SERF2: variants seen among roughly 807,000 people sequenced by gnomAD.
SERF2 encodes the protein gastric cancer-related protein VRG107.
In SERF2, 4 loss-of-function variants were observed where a neutral mutation model predicts 10.7. The observed-to-expected ratio is 0.37, with a 90% CI of 0.18 to 0.86. The LOEUF (loss-of-function observed/expected upper bound fraction) is 0.86. Ranked by LOEUF, SERF2 falls within the 40% of genes least tolerant of loss-of-function variation. The probability of loss-of-function intolerance (pLI) is 0.43; values close to 1 mark genes in which losing one functional copy is unlikely to be tolerated. For missense variants in SERF2, 47 were observed against 79.1 expected (o/e 0.59, Z 1.54); for synonymous variants, 26 against 26.0 (o/e 1.00, Z 0.01).
At position 43,793,850 on chromosome 15, in the gene SERF2, C is replaced by G. The variant is rs764583848; in HGVS notation, c.*77C>G. The G allele has an allele frequency of 1.9e-6, 3 of 1,613,696 alleles. No individual in the cohort carries two copies. Among genetic ancestry groups the G allele is most frequent in the South Asian group, 1.1e-5 (1 of 91,056 alleles). On this transcript the variant is annotated 3_prime_UTR_variant, in exon 3 of 3. Coordinates refer to ENST00000249786, the MANE Select transcript of SERF2 (RefSeq NM_001018108.4). ...CAGTCCCACCACGCTCGCGTTTCCT[C>G]CTGTAGTGCTCACAGGTCCCAGCAC...
rs756161071 is a variant in SERF2, at chr15:43,795,543, T to C, written c.*1770T>C. Reference sequence around the variant, plus strand: ...GCCTCGCAGCCCCACCCCTTTGCCCTGGAGAGAGGAAATGGCTGCTGGGAG... The same window carrying C: ...GCCTCGCAGCCCCACCCCTTTGCCCCGGAGAGAGGAAATGGCTGCTGGGAG... On this transcript the variant is annotated 3_prime_UTR_variant, in exon 3 of 3. Coordinates refer to ENST00000249786, the MANE Select transcript of SERF2 (RefSeq NM_001018108.4). 1.2e-6 allele frequency: 2 copies of C among 1,614,032 alleles called. No homozygotes were observed. Among genetic ancestry groups the C allele is most frequent in the Non-Finnish European group, 1.7e-6 (2 of 1,180,016 alleles).
At position 43,794,552 on chromosome 15, in the gene SERF2, C is replaced by G. The variant is rs942342104; in HGVS notation, c.*779C>G. 3.0e-5 allele frequency: 5 copies of G among 164,748 alleles called. No homozygotes were observed. The highest frequency in any genetic ancestry group is 5.3e-5 in the Non-Finnish European group (4 of 74,800). 10.2% of individuals were successfully genotyped at this position (164,748 alleles called of 1,614,324 possible). A position where few individuals can be genotyped will look rare whatever the true frequency, so the allele number is the denominator to read the frequency against. On this transcript the variant is annotated 3_prime_UTR_variant, in exon 3 of 3. Transcript: ENST00000249786. Reference sequence around the variant, plus strand: ...TAAAACCTGGGGTAGCCTCTGTGCTCCTTTCTTCTATGCCCTGGTTTGTTC... The same window carrying G: ...TAAAACCTGGGGTAGCCTCTGTGCTGCTTTCTTCTATGCCCTGGTTTGTTC...
chr15:43,793,589 C>T (rs2141682470), intron 2 of SERF2, 121 bp from the exon 3 acceptor site: 1 of 1,577,084 alleles, frequency 6.3e-7, no homozygotes, highest in Admixed American at 1.8e-5. Context: ...GGGAGTACAG[C>T]AGCCAAACGC....
In SERF2 at chr15:43,795,418, T is replaced by A; in HGVS notation, c.*1645T>A. ...CCAGTTGGTAAGGGTAACCATGACA[T>A]AGAGTGAGGCAAGGAAGAAGACGAA... On this transcript the variant is annotated 3_prime_UTR_variant, in exon 3 of 3. Coordinates refer to ENST00000249786, the MANE Select transcript of SERF2 (RefSeq NM_001018108.4). 1.9e-6 allele frequency: 3 copies of A among 1,614,068 alleles called. No individual in the cohort carries two copies. Among genetic ancestry groups the A allele is most frequent in the Non-Finnish European group, 2.5e-6 (3 of 1,180,000 alleles).
intron 2 of SERF2, among the ~76,000 whole-genome samples, chr15:43,786,730 C>T (rs2087010386): frequency 6.6e-6 from 1 of 152,158 alleles, no homozygotes; most frequent in Admixed American, 6.6e-5. Context: ...AACAGCATGA[C>T]CAAGAACCAA....
chr15:43,792,214 T>G, upstream of SERF2: 6 of 660,438 alleles, frequency 9.1e-6, no homozygotes, highest in African/African-American at 1.8e-5. Flanking sequence ...GCACGACCCG[T>G]GGATCCACGT....
Position 43,794,101 on chromosome 15 carries a change from G to A in SERF2, c.*328G>A, listed in dbSNP as rs1432683817. ...GGGGGATGGGGTTGGAAGAATGACTGCCCTTTCCCACCAAAAAAGGGAGAA... is the reference window on the plus strand; with the variant it reads ...GGGGGATGGGGTTGGAAGAATGACTACCCTTTCCCACCAAAAAAGGGAGAA... On this transcript the variant is annotated 3_prime_UTR_variant, in exon 3 of 3. Transcript: ENST00000249786. 3 of 867,176 alleles carry A rather than the reference G, an allele frequency of 3.5e-6. No homozygotes were observed. Among genetic ancestry groups the A allele is most frequent in the Non-Finnish European group, 5.1e-6 (3 of 586,138 alleles). 53.7% of individuals were successfully genotyped at this position (867,176 alleles called of 1,614,324 possible). A position where few individuals can be genotyped will look rare whatever the true frequency, so the allele number is the denominator to read the frequency against.
At chr15:43,792,864 C>T (rs1005779466) in intron 1 of SERF2, 111 bp from the exon 2 acceptor site, 7 of 808,152 alleles carry the variant, frequency 8.7e-6, no homozygotes, top group African/African-American at 8.6e-5. Flanking sequence ...TTGTCGGGGC[C>T]CGGAGATTGA....
Position 43,795,267 on chromosome 15 carries a change from C to T in SERF2, c.*1494C>T, listed in dbSNP as rs115750613. On this transcript the variant is annotated 3_prime_UTR_variant, in exon 3 of 3. Transcript: ENST00000249786. ...ATATGAAGGGCCTTAGCTTTTAGAC[C>T]TGTTCTACCTCCTCACCAAATATAA... is the stretch of plus-strand genomic sequence containing the variant. The T allele has an allele frequency of 1.0e-3, 1,674 of 1,595,828 alleles. 21 individuals are homozygous for T. In the African/African-American group the frequency reaches 0.02, roughly 19 times the overall value.
At chr15:43,781,908 G>A (rs1340327271) in intron 1 of SERF2, among the ~76,000 whole-genome samples, 2 of 123,394 alleles carry the variant, frequency 1.6e-5, no homozygotes, top group African/African-American at 6.5e-5. Context: ...TTTTTTTTTT[G>A]AGACACAGTT....
At chr15:43,786,264 A>C (rs1399276278) in intron 2 of SERF2, among the ~76,000 whole-genome samples, 1 of 151,464 alleles carries the variant, frequency 6.6e-6, no homozygotes, top group Non-Finnish European at 1.5e-5. Context: ...AAATACAAAA[A>C]ATTAGCCAGG....
chr15:43,793,455 G>T lies in SERF2; in HGVS notation c.117-255G>T, dbSNP rs1054795469. On this transcript the variant is annotated intron_variant, in intron 2 of 2. Coordinates refer to ENST00000249786, the MANE Select transcript of SERF2 (RefSeq NM_001018108.4). Reference sequence around the variant, plus strand: ...CTCCTCACTGGTGTTGCTGGGTGTGGTCCTCAATACAGAATAGAGACCCTT... The same window carrying T: ...CTCCTCACTGGTGTTGCTGGGTGTGTTCCTCAATACAGAATAGAGACCCTT... 6.0e-6 allele frequency: 6 copies of T among 998,498 alleles called. No homozygotes were observed. The East Asian group carries it at 1.6e-4, about 27-fold the overall frequency. 61.9% of individuals were successfully genotyped at this position (998,498 alleles called of 1,614,324 possible). A position where few individuals can be genotyped will look rare whatever the true frequency, so the allele number is the denominator to read the frequency against.
At chr15:43,790,639 G>C (rs1220328916), upstream of SERF2, among the ~76,000 whole-genome samples, 2 of 151,978 alleles carry the variant, frequency 1.3e-5, no homozygotes, top group Non-Finnish European at 2.9e-5. Flanking sequence ...CATGATGGCG[G>C]GTGCCTGTAA....
chr15:43,792,366 C>T lies in SERF2; in HGVS notation c.-11C>T, dbSNP rs1479714759. 1.9e-6 allele frequency: 3 copies of T among 1,610,894 alleles called. No homozygotes were observed. Among genetic ancestry groups the T allele is most frequent in the Non-Finnish European group, 1.7e-6 (2 of 1,177,086 alleles). Reference sequence around the variant, plus strand: ...ACGTAACGGAGGCAGGTTGGAGCCGCTGCCGTCGCCATGACCCGTGAGCAC... The same window carrying T: ...ACGTAACGGAGGCAGGTTGGAGCCGTTGCCGTCGCCATGACCCGTGAGCAC... On this transcript the variant is annotated 5_prime_UTR_variant, in exon 1 of 3. Transcript: ENST00000249786.
At chr15:43,787,819 C>A (rs1596035736), upstream of SERF2, among the ~76,000 whole-genome samples, 1 of 151,898 alleles carries the variant, frequency 6.6e-6, no homozygotes, top group African/African-American at 2.4e-5. Flanking sequence ...CCACCTCACA[C>A]CCTCGAGTAG....
chr15:43,795,675 AC>A lies in SERF2; in HGVS notation c.*1903del. On this transcript the variant is annotated 3_prime_UTR_variant, in exon 3 of 3. Coordinates refer to ENST00000249786, the MANE Select transcript of SERF2 (RefSeq NM_001018108.4). ...GATCTACCACTTCTTATGGTTCCTCACTTGGCACTCACCTTTGTCTGCCTCC... is the reference window on the plus strand; with the variant it reads ...GATCTACCACTTCTTATGGTTCCTCATTGGCACTCACCTTTGTCTGCCTCC... 1.2e-6 allele frequency: 2 copies of A among 1,613,790 alleles called. No individual in the cohort carries two copies. Among genetic ancestry groups the A allele is most frequent in the East Asian group, 4.5e-5 (2 of 44,884 alleles).
Position 43,795,082 on chromosome 15 carries a change from G to A in SERF2, c.*1309G>A, listed in dbSNP as rs1427182752. 6.2e-7 allele frequency: 1 copy of A among 1,613,700 alleles called. No homozygotes were observed. The highest frequency in any genetic ancestry group is 8.5e-7 in the Non-Finnish European group (1 of 1,179,978). Reference sequence around the variant, plus strand: ...GATAAGGGGCTGGGGTTTCTGGGTGGGGGGCCAACAGAGTGGTGCCAGTAA... The same window carrying A: ...GATAAGGGGCTGGGGTTTCTGGGTGAGGGGCCAACAGAGTGGTGCCAGTAA... On this transcript the variant is annotated 3_prime_UTR_variant, in exon 3 of 3. Coordinates refer to ENST00000249786, the MANE Select transcript of SERF2 (RefSeq NM_001018108.4).
chr15:43,780,782 G>C (rs572670770), intron 1 of SERF2, among the ~76,000 whole-genome samples: 13 of 152,078 alleles, frequency 8.5e-5, no homozygotes, highest in Non-Finnish European at 1.9e-4. Context: ...CAAATGTAAT[G>C]CCTTTTCTGT....
At position 43,794,258 on chromosome 15, in the gene SERF2, CTTCTT is replaced by C. The variant is rs2087148535; in HGVS notation, c.*490_*494del. ...AGGAATCCTCTAAGAACCATAGAGA[CTTCTT>C]TTCTGTGATTTTTGTTCCCCACCCT... On this transcript the variant is annotated 3_prime_UTR_variant, in exon 3 of 3. Coordinates refer to ENST00000249786, the MANE Select transcript of SERF2 (RefSeq NM_001018108.4). The C allele has an allele frequency of 2.8e-6, 1 of 353,564 alleles. No individual in the cohort carries two copies. The highest frequency in any genetic ancestry group is 2.1e-5 in the African/African-American group (1 of 47,790). The allele number at this position is 353,564 out of a possible 1,614,324, so 21.9% of individuals were successfully genotyped here.
Sources: gnomAD v4.1 joint callset for allele counts (sites outside exome capture counted in the v4.1 genomes callset) on GRCh38, gnomAD v4.1.1 for gene constraint, MANE v1.5 for transcripts, NCBI Gene and HGNC (gene_info 2026-07-23, HGNC 2026-07-21) for gene names.